Variants in WBP1L observed in about 807,000 individuals in gnomAD.
The protein encoded by WBP1L is WW domain binding protein 1 like, also known as WW domain binding protein 1-like.
A neutral mutation model predicts 33.7 loss-of-function variants in WBP1L; 17 were observed. The observed-to-expected ratio is 0.50, with a 90% CI of 0.34 to 0.76. The LOEUF (loss-of-function observed/expected upper bound fraction) is 0.76, where lower values mean the gene tolerates loss of function less well. Among genes scored for constraint, WBP1L ranks in the 30% least tolerant of loss-of-function variants. The probability of loss-of-function intolerance (pLI) is 0.01; values close to 1 mark genes in which losing one functional copy is unlikely to be tolerated. For missense variants in WBP1L, 389 were observed against 469.4 expected (o/e 0.83, Z 1.58); for synonymous variants, 173 against 190.8 (o/e 0.91, Z 0.77).
Position 102,746,152 on chromosome 10 carries a change from A to G in WBP1L, c.90+2009A>G, listed in dbSNP as rs184149311. 24 of 985,388 alleles carry G rather than the reference A, an allele frequency of 2.4e-5. No homozygotes were observed. The East Asian group carries it at 2.2e-3, about 88-fold the overall frequency. 61.0% of individuals were successfully genotyped at this position (985,388 alleles called of 1,614,324 possible). ...GGGATGATGGAAAGTGGAGGTTCCT[A>G]CCAGGTCGTGGAGCCTGGGAGGTGT... On this transcript the variant is annotated intron_variant, in intron 1 of 3. Coordinates refer to ENST00000448841, the MANE Select transcript of WBP1L (RefSeq NM_001083913.2).
At chr10:102,749,866 C>T (rs1417930218) in intron 1 of WBP1L, among the ~76,000 whole-genome samples, 1 of 151,906 alleles carries the variant, frequency 6.6e-6, no homozygotes, top group African/African-American at 2.4e-5. Flanking sequence ...CCACCTCTGA[C>T]TCCCGGGTTC....
At chr10:102,784,586 C>T (rs192929066) in intron 1 of WBP1L, among the ~76,000 whole-genome samples, 148 of 151,952 alleles carry the variant, frequency 9.7e-4, no homozygotes, top group African/African-American at 3.2e-3. Flanking sequence ...CCACCACACC[C>T]GGCTAATTTT....
chr10:102,753,549 T>G (rs761991946), intron 1 of WBP1L, among the ~76,000 whole-genome samples: 14 of 152,232 alleles, frequency 9.2e-5, no homozygotes, highest in Non-Finnish European at 1.9e-4. Flanking sequence ...TCACCCGTCT[T>G]GCATGGTCTG....
At chr10:102,747,358 CAAA>C (rs71019610) in intron 1 of WBP1L, among the ~76,000 whole-genome samples, 3 of 79,016 alleles carry the variant, frequency 3.8e-5, no homozygotes, top group Admixed American at 1.4e-4. Context: ...GACTCCGTCT[CAAA>C]AAAAAAAAAA....
rs538710041 is a variant in WBP1L at position 102,813,506 on chromosome 10, G to A, written c.*175G>A. 6.1e-5 allele frequency: 54 copies of A among 887,882 alleles called. No individual in the cohort carries two copies. Among genetic ancestry groups the A allele is most frequent in the African/African-American group, 4.7e-4 (28 of 59,322 alleles). The allele number at this position is 887,882 out of a possible 1,614,324, so 55.0% of individuals were successfully genotyped here. ...TCCATCTCCAGGTACAGTTCGGGGTGTGGATGCCTCTTCCTCCACAAGGGC... is the reference window on the plus strand; with the variant it reads ...TCCATCTCCAGGTACAGTTCGGGGTATGGATGCCTCTTCCTCCACAAGGGC... On this transcript the variant is annotated 3_prime_UTR_variant, in exon 4 of 4. Transcript: ENST00000448841.
chr10:102,776,557 A>C, intron 1 of WBP1L: 3 of 1,135,844 alleles, frequency 2.6e-6, no homozygotes, highest in Non-Finnish European at 3.9e-6. Context: ...AGAACTTTCC[A>C]GTCTCCCTTC....
At chr10:102,800,532 C>CG (rs1217442443) in intron 2 of WBP1L, among the ~76,000 whole-genome samples, 1 of 152,266 alleles carries the variant, frequency 6.6e-6, no homozygotes, top group Admixed American at 6.5e-5. Flanking sequence ...TCTCTAGCTA[C>CG]GGGCGTTTAG....
intron 1 of WBP1L, among the ~76,000 whole-genome samples, chr10:102,759,122 CAG>C (rs1333556403): frequency 3.9e-5 from 6 of 152,148 alleles, no homozygotes; most frequent in African/African-American, 1.4e-4. Flanking sequence ...GCTGGTGGAG[CAG>C]AGTGTTCCCT....
At chr10:102,797,655 C>T (rs557098004) in intron 1 of WBP1L, among the ~76,000 whole-genome samples, 141 of 152,186 alleles carry the variant, frequency 9.3e-4, no homozygotes, top group African/African-American at 2.9e-3. Flanking sequence ...CTTGTTCAAG[C>T]GATTTTCCTG....
chr10:102,787,762 C>T (rs1178396816), intron 1 of WBP1L, among the ~76,000 whole-genome samples: 1 of 151,970 alleles, frequency 6.6e-6, no homozygotes, highest in Non-Finnish European at 1.5e-5. Context: ...CTTTATTTCC[C>T]TCAGGTCTTT....
chr10:102,796,069 C>T (rs1478137865), intron 1 of WBP1L, among the ~76,000 whole-genome samples: 1 of 152,056 alleles, frequency 6.6e-6, no homozygotes, highest in Non-Finnish European at 1.5e-5. Context: ...GTGTGAATGG[C>T]ATACATGGCC....
intron 1 of WBP1L, among the ~76,000 whole-genome samples, chr10:102,757,120 C>G (rs1012652922): frequency 4.6e-5 from 7 of 152,190 alleles, no homozygotes; most frequent in South Asian, 2.1e-4. Flanking sequence ...AAACTCCTGT[C>G]CTCAATGATC....
chr10:102,746,235 C>A, intron 1 of WBP1L: 1 of 886,604 alleles, frequency 1.1e-6, no homozygotes, highest in Non-Finnish European at 1.4e-6. Context: ...TTGCAAACCA[C>A]AGGCTGCTTT....
At chr10:102,751,669 T>C (rs1354570287) in intron 1 of WBP1L, among the ~76,000 whole-genome samples, 3 of 152,184 alleles carry the variant, frequency 2.0e-5, no homozygotes, top group African/African-American at 7.2e-5. Flanking sequence ...TGACTACATA[T>C]TGGAGGATAC....
chr10:102,784,398 C>G (rs1843380770), intron 1 of WBP1L, among the ~76,000 whole-genome samples: 2 of 149,912 alleles, frequency 1.3e-5, no homozygotes, highest in Admixed American at 1.3e-4. Context: ...TCCAAGCTCT[C>G]AGAGTTCCAA....
intron 1 of WBP1L, among the ~76,000 whole-genome samples, chr10:102,780,473 C>T (rs771358625): frequency 3.9e-5 from 6 of 152,124 alleles, no homozygotes; most frequent in African/African-American, 7.2e-5. Context: ...ATGATTTGAA[C>T]GAATTCTATT....
rs116003691 is a variant in WBP1L, at chr10:102,750,588, G to A, written c.90+6445G>A. ...TCGCCCAGGTTGGAGTGCAAACTCC[G>A]CCTCCAGAGTTCAAGCGCTTCTCCT... On this transcript the variant is annotated intron_variant, in intron 1 of 3. Transcript: ENST00000448841. 8.0e-3 allele frequency among the ~76,000 whole-genome samples: 1,208 copies of A among 151,182 alleles called. 8 individuals carry two copies. The highest frequency in any genetic ancestry group is 0.028 in the African/African-American group (1,139 of 41,162).
intron 1 of WBP1L, among the ~76,000 whole-genome samples, chr10:102,758,607 C>T (rs1001134107): frequency 6.6e-6 from 1 of 152,138 alleles, no homozygotes; most frequent in Admixed American, 6.5e-5. Flanking sequence ...CGGGTGTTCT[C>T]CCTGTGTGCG....
In WBP1L at chr10:102,815,197, C is replaced by A. The variant is rs897742419; in HGVS notation, c.*1866C>A. 2.0e-5 allele frequency: 3 copies of A among 152,616 alleles called. No homozygotes were observed. Among genetic ancestry groups the A allele is most frequent in the Admixed American group, 6.5e-5 (1 of 15,284 alleles). 9.5% of individuals were successfully genotyped at this position (152,616 alleles called of 1,614,324 possible). ...ATGTCTGACTGTGTACTCGGGTGTA[C>A]TCCGCAGCATTGTCGACTGCAGTCC... On this transcript the variant is annotated 3_prime_UTR_variant, in exon 4 of 4. Coordinates refer to ENST00000448841, the MANE Select transcript of WBP1L (RefSeq NM_001083913.2).
Sources: gnomAD v4.1 joint callset for allele counts (sites outside exome capture counted in the v4.1 genomes callset) on GRCh38, gnomAD v4.1.1 for gene constraint, MANE v1.5 for transcripts, NCBI Gene and HGNC (gene_info 2026-07-23, HGNC 2026-07-21) for gene names.